Variants in TLCD4 observed in about 807,000 individuals in gnomAD.
TLCD4 encodes TLC domain containing 4, also known as TLC domain-containing protein 4.
Under a neutral mutation model 24.2 loss-of-function variants are expected in TLCD4, and 7 were observed. The observed-to-expected ratio is 0.29, with a 90% CI of 0.16 to 0.54. The LOEUF is 0.54. Among genes scored for constraint, TLCD4 ranks in the 20% least tolerant of loss-of-function variants. The pLI is 0.95. For missense variants in TLCD4, 259 were observed against 313.9 expected (o/e 0.82, Z 1.32); for synonymous variants, 103 against 106.4 (o/e 0.97, Z 0.20).
In TLCD4 at chr1:95,191,795, G is replaced by A; in HGVS notation, c.719G>A (p.Gly240Asp). 6.2e-7 allele frequency: 1 copy of A among 1,614,098 alleles called. No homozygotes were observed. The highest frequency in any genetic ancestry group is 8.5e-7 in the Non-Finnish European group (1 of 1,179,998). The change falls in exon 7 of 7, where the codon GGT (glycine) becomes GAT (aspartate). Residue 240 changes from glycine (G) to aspartate (D), a missense_variant. Physicochemically the swap from Gly to Asp is moderately conservative, Grantham distance 94. Transcript: ENST00000370203. Reference protein sequence around the residue: ...NVMWMIKISKGCIKVISHIRQ... With the variant: ...NVMWMIKISKDCIKVISHIRQ... ...ATGTGGATGATCAAAATTTCAAAAG[G>A]TTGCATCAAAGTCATCTCTCACATC... is the stretch of plus-strand genomic sequence containing the variant.
At chr1:95,171,172 G>A (rs555714642) in intron 5 of TLCD4, among the ~76,000 whole-genome samples, 7 of 152,054 alleles carry the variant, frequency 4.6e-5, no homozygotes, top group African/African-American at 9.6e-5. Flanking sequence ...AGCTGGTCTC[G>A]AACCTCTAGG....
chr1:95,109,564 T>C, the TLCD4 span, among the ~76,000 whole-genome samples: 2 of 151,418 alleles, frequency 1.3e-5, no homozygotes, highest in African/African-American at 4.8e-5. Context: ...CTCTGCTTAC[T>C]GCAACCTCCG....
intron 1 of TLCD4, among the ~76,000 whole-genome samples, chr1:95,119,341 G>A (rs1163180033): frequency 6.6e-6 from 1 of 152,168 alleles, no homozygotes; most frequent in African/African-American, 2.4e-5. Flanking sequence ...AAATTCATCT[G>A]ATTGCCAAGG....
chr1:95,109,818 T>C, the TLCD4 span, among the ~76,000 whole-genome samples: 1 of 150,558 alleles, frequency 6.6e-6, no homozygotes, highest in Non-Finnish European at 1.5e-5. Context: ...TAATTACCCC[T>C]ACACACTTTT....
rs185730133 is a variant in TLCD4 at position 95,122,603 on chromosome 1, C to A, written c.-12+4986C>A. On this transcript the variant is annotated intron_variant, in intron 1 of 6. Coordinates refer to ENST00000370203, the MANE Select transcript of TLCD4 (RefSeq NM_152487.3). ...CTGGTTTCTCTGTTATCTCTGACAA[C>A]TCTCCCCCTATCCCCCACCAACTGC... is the stretch of plus-strand genomic sequence containing the variant. 8.8e-4 allele frequency among the ~76,000 whole-genome samples: 134 copies of A among 152,312 alleles called. 1 individual carries two copies. The East Asian group carries it at 0.011, about 12-fold the overall frequency.
chr1:95,115,910 C>A (rs1038514592), upstream of TLCD4, among the ~76,000 whole-genome samples: 1 of 152,156 alleles, frequency 6.6e-6, no homozygotes, highest in Non-Finnish European at 1.5e-5. Context: ...CACATATAAC[C>A]ATCCTGCCCA....
intron 1 of TLCD4, among the ~76,000 whole-genome samples, chr1:95,136,587 A>C (rs186700522): frequency 1.3e-5 from 2 of 152,190 alleles, no homozygotes. Flanking sequence ...GATATTTCTC[A>C]ATTCTACTTT....
At chr1:95,169,918 T>G (rs1233545526) in intron 5 of TLCD4, among the ~76,000 whole-genome samples, 2 of 152,210 alleles carry the variant, frequency 1.3e-5, no homozygotes, top group African/African-American at 4.8e-5. Flanking sequence ...TTTACATGAC[T>G]TTGAGGAGTC....
chr1:95,185,560 C>T (rs1047019931), intron 6 of TLCD4, among the ~76,000 whole-genome samples: 4 of 152,144 alleles, frequency 2.6e-5, no homozygotes, highest in Non-Finnish European at 5.9e-5. Context: ...GCCACCTTTG[C>T]GACAGCAAGT....
upstream of TLCD4, among the ~76,000 whole-genome samples, chr1:95,114,767 A>G (rs1186348372): frequency 2.0e-5 from 3 of 151,968 alleles, no homozygotes; most frequent in African/African-American, 7.3e-5. Context: ...CGGAGGTTGC[A>G]GTGATCCGAG....
intron 1 of TLCD4, among the ~76,000 whole-genome samples, chr1:95,134,002 A>C (rs1676977050): frequency 6.6e-6 from 1 of 151,866 alleles, no homozygotes; most frequent in Non-Finnish European, 1.5e-5. Flanking sequence ...GGGTTGGGAA[A>C]AAGCTGAGAG....
In TLCD4 at chr1:95,189,152, C is replaced by G. The variant is rs566116072; in HGVS notation, c.474-2398C>G. On this transcript the variant is annotated intron_variant, in intron 6 of 6. Transcript: ENST00000370203. ...TCCCACTATTTTTCATCAAACAAAT[C>G]CATTTATTTGTTCAGTCCTGATATA... Among the ~76,000 whole-genome samples the G allele has an allele frequency of 1.5e-4, 23 of 152,204 alleles. No individual in the cohort carries two copies. The Middle Eastern group carries it at 0.01, about 68-fold the overall frequency.
chr1:95,181,474 G>C (rs1402295914), intron 6 of TLCD4, among the ~76,000 whole-genome samples: 1 of 151,948 alleles, frequency 6.6e-6, no homozygotes, highest in Non-Finnish European at 1.5e-5. Context: ...TTTCTTAAAG[G>C]GTAAGTAAAT....
At position 95,152,278 on chromosome 1, in the gene TLCD4, A is replaced by G. The variant is rs574221889; in HGVS notation, c.399+859A>G. On this transcript the variant is annotated intron_variant, in intron 5 of 6. Transcript: ENST00000370203. ...ATTGACTATAAGAAGGTTTTTTTCT[A>G]TGCAGTGAATTCCCAGGTCATTTTG... 3.9e-5 allele frequency among the ~76,000 whole-genome samples: 6 copies of G among 152,162 alleles called. 1 individual carries two copies. The South Asian group carries it at 1.2e-3, about 31-fold the overall frequency.
intron 6 of TLCD4, among the ~76,000 whole-genome samples, chr1:95,180,420 AAGG>A (rs1279141439): frequency 6.6e-6 from 1 of 152,250 alleles, no homozygotes; most frequent in Non-Finnish European, 1.5e-5. Flanking sequence ...ATTGGGCAGT[AAGG>A]AGATTGTAAC....
the TLCD4 span, among the ~76,000 whole-genome samples, chr1:95,109,214 C>T: frequency 0.05 from 7,535 of 152,008 alleles, 201 homozygotes; most frequent in South Asian, 0.069. Context: ...ACAGTCCCAG[C>T]TATCCAGGAG....
chr1:95,152,343 A>G (rs1677515907), intron 5 of TLCD4, among the ~76,000 whole-genome samples: 1 of 152,078 alleles, frequency 6.6e-6, no homozygotes, highest in Non-Finnish European at 1.5e-5. Flanking sequence ...AAAAATAATA[A>G]TAATTATAAT....
intron 5 of TLCD4, among the ~76,000 whole-genome samples, chr1:95,168,668 C>A (rs1388449548): frequency 6.7e-6 from 1 of 150,064 alleles, no homozygotes; most frequent in Admixed American, 6.7e-5. Flanking sequence ...TGAACCACCA[C>A]CTCCAGCCAA....
chr1:95,191,014 C>G (rs572715897), intron 6 of TLCD4, among the ~76,000 whole-genome samples: 32 of 152,110 alleles, frequency 2.1e-4, no homozygotes, highest in African/African-American at 5.1e-4. Flanking sequence ...ATGGATGACA[C>G]TTTTGGTGTT....
Sources: allele counts gnomAD v4.1 joint callset (sites outside exome capture counted in the v4.1 genomes callset), GRCh38; gene constraint gnomAD v4.1.1; transcripts MANE v1.5; gene names NCBI Gene and HGNC (gene_info 2026-07-23, HGNC 2026-07-21).